The following ATM variants were observed in gnomAD, a reference collection of about 807,000 sequenced individuals.
The protein encoded by ATM is ATM serine/threonine kinase.
A neutral mutation model predicts 387.0 loss-of-function variants in ATM; 308 were observed. That is an observed-to-expected ratio of 0.80 (90% CI 0.73 to 0.87). The LOEUF (loss-of-function observed/expected upper bound fraction) is 0.87. Among genes scored for constraint, ATM ranks in the 40% least tolerant of loss-of-function variants. ATM has a pLI of 0.00. For synonymous variants in ATM, 1,156 were observed against 1,187.3 expected, an observed-to-expected ratio of 0.97 and a Z score of 0.54; for missense variants, 3,312 against 3,560.9, an observed-to-expected ratio of 0.93 and a Z score of 1.78.
rs757860493 is a variant in ATM at position 108,367,188 on chromosome 11, C to T, written c.*1680C>T. 10 of 177,520 alleles carry T rather than the reference C, an allele frequency of 5.6e-5. No homozygotes were observed. Among genetic ancestry groups the T allele is most frequent in the Non-Finnish European group, 8.5e-5 (7 of 82,648 alleles). 11.0% of individuals were successfully genotyped at this position (177,520 alleles called of 1,614,324 possible). ...ATTTTTATTAGAGACGGAGTTTCAC[C>T]GTGTTAGCCAGGATGGTCTCGATCG... On this transcript the variant is annotated 3_prime_UTR_variant, in exon 63 of 63. Coordinates refer to ENST00000675843, the MANE Select transcript of ATM (RefSeq NM_000051.4).
At chr11:108,288,332 A>G (rs1407920034) in intron 27 of ATM, among the ~76,000 whole-genome samples, 1 of 151,716 alleles carries the variant, frequency 6.6e-6, no homozygotes, top group Non-Finnish European at 1.5e-5. Flanking sequence ...GTGTTGGCCA[A>G]CCAAAGTGCT....
intron 46 of ATM, 82 bp downstream of exon 46, chr11:108,325,626 G>T: frequency 2.5e-6 from 3 of 1,184,864 alleles, no homozygotes; most frequent in Non-Finnish European, 3.7e-6. Context: ...GAGGGAAAAA[G>T]AAATGTCATT....
intron 36 of ATM, 38 bp from the exon 37 acceptor site, chr11:108,304,637 T>C (rs2135941650): frequency 7.5e-6 from 12 of 1,595,712 alleles, no homozygotes; most frequent in Non-Finnish European, 1.0e-5. Flanking sequence ...TACTCATTTT[T>C]ACTCAAACTA....
rs188362115 is a variant in ATM at position 108,302,915 on chromosome 11, G to A, written c.5382G>A (p.Leu1794=). The A allele has an allele frequency of 6.2e-7, 1 of 1,613,352 alleles. No individual in the cohort carries two copies. The highest frequency in any genetic ancestry group is 1.3e-5 in the African/African-American group (1 of 74,898). ...TTGAAGGCCTGGATGATATAAATCT[G>A]TGGATTCCTCTAAGTGAAAATCATG... is the stretch of plus-strand genomic sequence containing the variant. The part of the protein sequence containing the change: ...NPFEGLDDIN[L]WIPLSENHDI... Residue 1794 remains leucine (L), a synonymous_variant, in exon 36 of 63, where the codon CTG becomes CTA. Transcript: ENST00000675843.
At chr11:108,357,443 A>G (rs1446975183) in intron 61 of ATM, among the ~76,000 whole-genome samples, 1 of 152,238 alleles carries the variant, frequency 6.6e-6, no homozygotes, top group Non-Finnish European at 1.5e-5. Flanking sequence ...GGAACCCACC[A>G]CAGCTCAAGG....
Position 108,330,643 on chromosome 11 carries a change from G to T in ATM, c.7515+222G>T, listed in dbSNP as rs4988121. Among the ~76,000 whole-genome samples, 1,874 of 152,240 alleles carry T rather than the reference G, an allele frequency of 0.012. 47 individuals are homozygous for T. The highest frequency in any genetic ancestry group is 0.042 in the African/African-American group (1,742 of 41,514). Reference sequence around the variant, plus strand: ...AAAGTTCCTTTGTATTATATAAGCTGACAAGCTGTAAATGATGCAAGTTTG... The same window carrying T: ...AAAGTTCCTTTGTATTATATAAGCTTACAAGCTGTAAATGATGCAAGTTTG... On this transcript the variant is annotated intron_variant, in intron 50 of 62. Transcript: ENST00000675843.
At chr11:108,353,106 T>G (rs1279485807) in intron 59 of ATM, among the ~76,000 whole-genome samples, 2 of 152,292 alleles carry the variant, frequency 1.3e-5, no homozygotes, top group African/African-American at 4.8e-5. Flanking sequence ...TTCTGTATGA[T>G]TTCTTACAAC....
rs748544160 is a variant in ATM, at chr11:108,320,044, T to A, written c.6438T>A (p.Ser2146Arg). The A allele has an allele frequency of 1.3e-6, 2 of 1,596,560 alleles. No homozygotes were observed. The highest frequency in any genetic ancestry group is 1.7e-6 in the Non-Finnish European group (2 of 1,164,142). ...RDREFSTFYE[S>R]LKYARVKEVE... The stretch of plus-strand genomic sequence containing the variant: ...GAGAATTCTCTACATTTTATGAAAG[T>A]CTCAAATATGCCAGGTATTATGAAA... Residue 2146 changes from serine (S) to arginine (R), a missense_variant, in exon 44 of 63, where the codon AGT becomes AGA. Coordinates refer to ENST00000675843, the MANE Select transcript of ATM (RefSeq NM_000051.4).
intron 57 of ATM, among the ~76,000 whole-genome samples, chr11:108,345,008 A>C (rs588746): frequency 6.9e-6 from 1 of 145,670 alleles, no homozygotes; most frequent in South Asian, 2.2e-4. Context: ...CCCTGTCTCC[A>C]AAAAAAAAAA....
chr11:108,333,698 A>G (rs7106001), intron 53 of ATM, among the ~76,000 whole-genome samples, 188 bp from the exon 54 acceptor site: 1 of 152,220 alleles, frequency 6.6e-6, no homozygotes, highest in Non-Finnish European at 1.5e-5. Flanking sequence ...TTGAAGCTAC[A>G]TTAACCACTG....
At chr11:108,266,611 T>C (rs2081259316) in intron 16 of ATM, among the ~76,000 whole-genome samples, 1 of 151,972 alleles carries the variant, frequency 6.6e-6, no homozygotes. Context: ...AATGTGCACA[T>C]GTACCCTAAA....
chr11:108,299,685 C>T (rs2083313720), intron 33 of ATM, 29 bp from the exon 34 acceptor site: 1 of 1,607,910 alleles, frequency 6.2e-7, no homozygotes, highest in Non-Finnish European at 8.5e-7. Context: ...TTACCTATGA[C>T]TCTACTGAAA....
intron 38 of ATM, chr11:108,308,424 T>A (rs2083864177): frequency 4.8e-6 from 1 of 207,994 alleles, no homozygotes; most frequent in Non-Finnish European, 9.7e-6. Context: ...TGCAGTGGTC[T>A]CAAAATCTGT....
rs786202978 is a variant in ATM, at chr11:108,268,468, C to G, written c.2697C>G (p.Asp899Glu). Residue 899 changes from aspartate (D) to glutamate (E), a missense_variant, in exon 18 of 63, where the codon GAC becomes GAG. Physicochemically the swap from Asp to Glu is conservative, Grantham distance 45. Coordinates refer to ENST00000675843, the MANE Select transcript of ATM (RefSeq NM_000051.4). Reference sequence around the variant, plus strand: ...CAAAGCAAGATCTACTTTTCTTAGACATGCTCAAGTTCTTGTGTTTGTGTG... The same window carrying G: ...CAAAGCAAGATCTACTTTTCTTAGAGATGCTCAAGTTCTTGTGTTTGTGTG... Reference protein sequence around the residue: ...YLSKQDLLFLDMLKFLCLCVT... With the variant: ...YLSKQDLLFLEMLKFLCLCVT... 6.2e-7 allele frequency: 1 copy of G among 1,614,038 alleles called. No individual in the cohort carries two copies. The highest frequency in any genetic ancestry group is 1.7e-4 in the Middle Eastern group (1 of 6,060).
At chr11:108,248,903 GAAAA>G in intron 8 of ATM, 26 bp from the exon 9 acceptor site, 3 of 1,450,902 alleles carry the variant, frequency 2.1e-6, no homozygotes, top group Non-Finnish European at 2.8e-6. Context: ...AAAAAAAAAA[GAAAA>G]AAGTGGATTT....
intron 23 of ATM, 31 bp downstream of exon 23, chr11:108,279,639 T>C (rs2082127559): frequency 2.0e-6 from 3 of 1,499,356 alleles, no homozygotes; most frequent in Non-Finnish European, 2.8e-6. Context: ...TTTGCTGTTA[T>C]CATATGCTTG....
rs565622131 is a variant in ATM, at chr11:108,256,248, C to T, written c.2158C>T (p.Arg720Cys). 5.0e-6 allele frequency: 8 copies of T among 1,609,330 alleles called. No homozygotes were observed. Among genetic ancestry groups the T allele is most frequent in the African/African-American group, 2.7e-5 (2 of 74,942 alleles). ...TNSETLVRCS[R>C]LLVGVLGCYC... The stretch of plus-strand genomic sequence containing the variant: ...TTCAGAAACTCTTGTCCGGTGTTCA[C>T]GTCTTTTGGTGGGTGTCCTTGGCTG... The change falls in exon 14 of 63, where the codon CGT becomes TGT. Residue 720 changes from arginine to cysteine, a missense_variant. By Grantham distance (180) the Arg-to-Cys change is radical. Transcript: ENST00000675843.
chr11:108,270,384 T>C (rs1393579132), intron 18 of ATM, among the ~76,000 whole-genome samples: 1 of 152,238 alleles, frequency 6.6e-6, no homozygotes, highest in African/African-American at 2.4e-5. Context: ...GCTCAAGCTC[T>C]TAACTGCAAC....
At chr11:108,247,217 C>G (rs1257262670) in intron 8 of ATM, 90 bp downstream of exon 8, 2 of 1,266,968 alleles carry the variant, frequency 1.6e-6, no homozygotes, top group African/African-American at 1.5e-5. Context: ...CCTGTGTTCT[C>G]ACAAAAAGCC....
Sources: gnomAD v4.1 joint callset for allele counts (sites outside exome capture counted in the v4.1 genomes callset) on GRCh38, gnomAD v4.1.1 for gene constraint, MANE v1.5 for transcripts, NCBI Gene and HGNC (gene_info 2026-07-23, HGNC 2026-07-21) for gene names.